Variants in MS4A4E observed in about 807,000 individuals in gnomAD.
MS4A4E encodes membrane spanning 4-domains A4E, also known as putative membrane-spanning 4-domains subfamily A member 4E.
In MS4A4E, 23 loss-of-function variants were observed where a neutral mutation model predicts 13.3. That is an observed-to-expected ratio of 1.73 (90% CI 1.25 to 2.45). The LOEUF is 2.45. Among genes scored for constraint, MS4A4E ranks in the 30% most tolerant of loss-of-function variants. The pLI is 0.00. For synonymous variants in MS4A4E, 36 were observed against 45.6 expected (o/e 0.79, Z 0.85); for missense variants, 144 against 131.2 (o/e 1.10, Z -0.48).
intron 3 of MS4A4E, among the ~76,000 whole-genome samples, chr11:60,220,959 G>T (rs139676594): frequency 6.6e-6 from 1 of 152,284 alleles, no homozygotes; most frequent in Non-Finnish European, 1.5e-5. Flanking sequence ...TATGCAAGTT[G>T]CTCTGTCACT....
chr11:60,209,659 G>C (rs1048459317), intron 5 of MS4A4E, among the ~76,000 whole-genome samples: 8 of 152,294 alleles, frequency 5.3e-5, no homozygotes, highest in African/African-American at 1.9e-4. Context: ...CAGAGCACTG[G>C]CTTTAGGGCT....
At chr11:60,218,163 G>A (rs182623841) in intron 3 of MS4A4E, among the ~76,000 whole-genome samples, 18 of 152,228 alleles carry the variant, frequency 1.2e-4, no homozygotes, top group Admixed American at 1.3e-4. Flanking sequence ...CTCCCATAGC[G>A]CTCCCAGGCT....
intron 3 of MS4A4E, among the ~76,000 whole-genome samples, chr11:60,221,390 G>A (rs2084268458): frequency 6.6e-6 from 1 of 152,120 alleles, no homozygotes; most frequent in Admixed American, 6.5e-5. Flanking sequence ...CCCCATTCCT[G>A]CCACACTGCC....
At chr11:60,234,789 A>C (rs12221613) in intron 1 of MS4A4E, among the ~76,000 whole-genome samples, 57,483 of 142,174 alleles carry the variant, frequency 0.4, 11,949 homozygotes, top group East Asian at 0.43. Flanking sequence ...CCCCCCCCCC[A>C]AAATAACAAA....
intron 6 of MS4A4E, among the ~76,000 whole-genome samples, chr11:60,206,512 T>TATGTATATATATATATAC (rs141037502): frequency 4.9e-4 from 48 of 98,222 alleles, no homozygotes; most frequent in African/African-American, 1.3e-3. Context: ...TATATATATA[T>TATGTATATATATATATAC]ACACACACAC....
intron 1 of MS4A4E, among the ~76,000 whole-genome samples, chr11:60,234,726 A>G (rs1171649027): frequency 1.3e-5 from 2 of 152,064 alleles, no homozygotes; most frequent in Non-Finnish European, 2.9e-5. Flanking sequence ...AAATTACCTA[A>G]CCACAAAGGG....
At chr11:60,236,777 C>G (rs113780230) in intron 1 of MS4A4E, among the ~76,000 whole-genome samples, 57 of 151,630 alleles carry the variant, frequency 3.8e-4, no homozygotes, top group African/African-American at 1.3e-3. Context: ...TGCTCTGTCA[C>G]CCAGGCTGGA....
At chr11:60,223,148 T>C (rs1264797080) in intron 3 of MS4A4E, among the ~76,000 whole-genome samples, 1 of 152,176 alleles carries the variant, frequency 6.6e-6, no homozygotes, top group Non-Finnish European at 1.5e-5. Context: ...GCTACAACCA[T>C]GTGATCAGTT....
chr11:60,215,705 C>T (rs2084183903), intron 3 of MS4A4E, among the ~76,000 whole-genome samples: 1 of 151,008 alleles, frequency 6.6e-6, no homozygotes. Flanking sequence ...GGTATATTAA[C>T]CAAAATAATT....
chr11:60,203,279 G>A (rs534379514), intron 8 of MS4A4E, among the ~76,000 whole-genome samples: 24 of 151,210 alleles, frequency 1.6e-4, no homozygotes, highest in African/African-American at 4.6e-4. Flanking sequence ...TTTTCATATC[G>A]CCTACCAGTG....
At chr11:60,234,461 C>T (rs566133997) in intron 1 of MS4A4E, among the ~76,000 whole-genome samples, 2 of 152,134 alleles carry the variant, frequency 1.3e-5, no homozygotes, top group Admixed American at 6.5e-5. Flanking sequence ...CCTTCATCCT[C>T]GTGAATGGAT....
chr11:60,208,435 C>T (rs527812898), intron 6 of MS4A4E, among the ~76,000 whole-genome samples, 158 bp downstream of exon 6: 5 of 152,292 alleles, frequency 3.3e-5, no homozygotes, highest in Non-Finnish European at 5.9e-5. Context: ...GTCATAAGAT[C>T]CTGAACCAAG....
In MS4A4E at chr11:60,214,440, C is replaced by T. The variant is rs1165326895; in HGVS notation, c.222+131G>A. 1.2e-5 allele frequency: 6 copies of T among 491,038 alleles called. No homozygotes were observed. The Admixed American group carries it at 2.1e-4, about 17-fold the overall frequency. 30.4% of individuals were successfully genotyped at this position (491,038 alleles called of 1,614,324 possible). On this transcript the variant is annotated intron_variant, in intron 4 of 8. Transcript: ENST00000651255. ...CCTTATCGTAATTTTTGAGACAGATCCTGCTAAGTAAAATGCATAGTTGCT... is the reference window on the plus strand; with the variant it reads ...CCTTATCGTAATTTTTGAGACAGATTCTGCTAAGTAAAATGCATAGTTGCT...
chr11:60,200,779 A>G lies in MS4A4E; in HGVS notation c.*764T>C, dbSNP rs948175127. ...ATTCCACAAAACCGCCATTGTCCTCATGGCCCGTTCTCAATGAGCTATTGG... is the reference window on the plus strand; with the variant it reads ...ATTCCACAAAACCGCCATTGTCCTCGTGGCCCGTTCTCAATGAGCTATTGG... On this transcript the variant is annotated 3_prime_UTR_variant, in exon 9 of 9. Transcript: ENST00000651255. Among the ~76,000 whole-genome samples the G allele has an allele frequency of 6.6e-6, 1 of 152,304 alleles. No individual in the cohort carries two copies. Among genetic ancestry groups the G allele is most frequent in the East Asian group, 1.9e-4 (1 of 5,178 alleles).
At chr11:60,232,322 C>CACACACACACACACACA (rs58202966) in intron 1 of MS4A4E, among the ~76,000 whole-genome samples, 71 of 112,316 alleles carry the variant, frequency 6.3e-4, no homozygotes, top group South Asian at 1.2e-3. Flanking sequence ...CACACACACA[C>CACACACACACACACACA]CAAAAATGAA....
At chr11:60,218,134 G>A (rs2084220386) in intron 3 of MS4A4E, among the ~76,000 whole-genome samples, 1 of 152,110 alleles carries the variant, frequency 6.6e-6, no homozygotes, top group Non-Finnish European at 1.5e-5. Context: ...GAGGCTGTAG[G>A]GGTGAAATAG....
intron 3 of MS4A4E, among the ~76,000 whole-genome samples, chr11:60,218,081 A>C (rs1031169989): frequency 6.6e-6 from 1 of 152,210 alleles, no homozygotes; most frequent in African/African-American, 2.4e-5. Context: ...CTGGGGGTAT[A>C]GGCCTATAAA....
chr11:60,235,647 T>C (rs1040677614), intron 1 of MS4A4E, among the ~76,000 whole-genome samples: 1 of 152,158 alleles, frequency 6.6e-6, no homozygotes, highest in Non-Finnish European at 1.5e-5. Flanking sequence ...TTGAAATAAA[T>C]TGTCTCCCTT....
At chr11:60,226,136 A>C (rs2084339170) in intron 3 of MS4A4E, among the ~76,000 whole-genome samples, 1 of 151,604 alleles carries the variant, frequency 6.6e-6, no homozygotes, top group Non-Finnish European at 1.5e-5. Context: ...ATAATTATTA[A>C]ATAAATAAAA....
Sources: gnomAD v4.1 joint callset for allele counts (sites outside exome capture counted in the v4.1 genomes callset) on GRCh38, gnomAD v4.1.1 for gene constraint, MANE v1.5 for transcripts, NCBI Gene and HGNC (gene_info 2026-07-23, HGNC 2026-07-21) for gene names.